GNB5: variants seen among roughly 807,000 people sequenced by gnomAD.
The protein encoded by GNB5 is guanine nucleotide-binding protein subunit beta-5.
Under a neutral mutation model 55.3 loss-of-function variants are expected in GNB5, and 37 were observed. The observed-to-expected ratio is 0.67, with a 90% CI of 0.51 to 0.88. The LOEUF is 0.88. Ranked by LOEUF, GNB5 falls within the 40% of genes least tolerant of loss-of-function variation. The pLI is 0.00. For synonymous variants in GNB5, 219 were observed against 198.5 expected, an observed-to-expected ratio of 1.10 and a Z score of -0.87; for missense variants, 476 against 515.3, an observed-to-expected ratio of 0.92 and a Z score of 0.74.
rs967288794 is a variant in GNB5, at chr15:52,146,081, C to G, written c.494+1378G>C. On this transcript the variant is annotated intron_variant, in intron 6 of 12. Transcript: ENST00000261837. ...ACGCCATTCTCCTGCCTCAGCCTCC[C>G]GAGTAGCTGGGACTACAGGCACCCG... Among the ~76,000 whole-genome samples, 3 of 151,596 alleles carry G rather than the reference C, an allele frequency of 2.0e-5. No homozygotes were observed. In the East Asian group the frequency reaches 5.9e-4, roughly 30 times the overall value.
Position 52,128,721 on chromosome 15 carries a change from A to T in GNB5, c.864-477T>A, listed in dbSNP as rs56260508. The stretch of plus-strand genomic sequence containing the variant: ...CTGAAAAGTGAGAGTAATAATGCAT[A>T]TTTTCTGCTGTGAAGATTACATAAG... On this transcript the variant is annotated intron_variant, in intron 9 of 12. Transcript: ENST00000261837. 6.5e-3 allele frequency: 2,978 copies of T among 458,920 alleles called. 27 individuals carry two copies. The highest frequency in any genetic ancestry group is 7.9e-3 in the South Asian group (509 of 64,572). 28.4% of individuals were successfully genotyped at this position (458,920 alleles called of 1,614,324 possible). A position where few individuals can be genotyped will look rare whatever the true frequency, so the allele number is the denominator to read the frequency against.
intron 2 of GNB5, chr15:52,180,231 G>C (rs1341548234): frequency 6.1e-6 from 1 of 165,236 alleles, no homozygotes; most frequent in Non-Finnish European, 1.3e-5. Context: ...TTCCAACTCG[G>C]GACTCCCCGC....
chr15:52,162,468 C>T (rs966080749), intron 3 of GNB5, among the ~76,000 whole-genome samples: 1 of 152,070 alleles, frequency 6.6e-6, no homozygotes, highest in South Asian at 2.1e-4. Context: ...AAACAAGGAA[C>T]CAAAGCATGA....
rs554933415 is a variant in GNB5 at position 52,119,888 on chromosome 15, G to A, written c.*2869C>T. The stretch of plus-strand genomic sequence containing the variant: ...ACAAAGGCCCTTACAACCCTGTGCT[G>A]TTTTAAGCCACTTATAACCTAGAGA... On this transcript the variant is annotated 3_prime_UTR_variant, in exon 13 of 13. Coordinates refer to ENST00000261837, the MANE Select transcript of GNB5 (RefSeq NM_016194.4). 15 of 152,290 alleles carry A rather than the reference G, an allele frequency of 9.8e-5. No individual in the cohort carries two copies. The East Asian group carries it at 2.7e-3, about 27-fold the overall frequency. 9.4% of individuals were successfully genotyped at this position (152,290 alleles called of 1,614,324 possible). A position where few individuals can be genotyped will look rare whatever the true frequency, so the allele number is the denominator to read the frequency against.
chr15:52,142,487 C>A (rs1472405041), intron 6 of GNB5, among the ~76,000 whole-genome samples: 1 of 151,796 alleles, frequency 6.6e-6, no homozygotes, highest in African/African-American at 2.4e-5. Flanking sequence ...TTAATTGTAT[C>A]ATGATCCATT....
chr15:52,132,594 C>T (rs1019455342), intron 9 of GNB5, among the ~76,000 whole-genome samples: 2 of 149,244 alleles, frequency 1.3e-5, no homozygotes, highest in Non-Finnish European at 3.0e-5. Context: ...TTCAATCGAT[C>T]CTCCCACTTC....
chr15:52,132,157 AG>A (rs1253460249), intron 9 of GNB5, among the ~76,000 whole-genome samples: 1 of 107,288 alleles, frequency 9.3e-6, no homozygotes, highest in Non-Finnish European at 1.6e-5. Context: ...CTGTGGAACT[AG>A]GGCTCAAGTA....
chr15:52,153,640 GA>G (rs1224215572), intron 4 of GNB5, among the ~76,000 whole-genome samples: 2 of 151,672 alleles, frequency 1.3e-5, no homozygotes, highest in South Asian at 2.1e-4. Flanking sequence ...CCTCAATTTG[GA>G]AAAAAAAGAA....
At chr15:52,140,405 G>A (rs2033825319) in intron 7 of GNB5, among the ~76,000 whole-genome samples, 1 of 152,216 alleles carries the variant, frequency 6.6e-6, no homozygotes, top group Non-Finnish European at 1.5e-5. Context: ...GCCGCCTGGA[G>A]TGGCAGCGGT....
intron 6 of GNB5, among the ~76,000 whole-genome samples, chr15:52,146,643 T>C (rs1238367314): frequency 6.6e-6 from 1 of 152,084 alleles, no homozygotes; most frequent in Non-Finnish European, 1.5e-5. Flanking sequence ...CAGCTTACTG[T>C]AGCCTTAATC....
chr15:52,137,208 T>G, intron 7 of GNB5: 1 of 1,157,152 alleles, frequency 8.6e-7, no homozygotes, highest in South Asian at 1.7e-5. Context: ...TTTGCTTGGT[T>G]GCAAGTATTT....
chr15:52,149,468 C>A, intron 5 of GNB5: 1 of 421,072 alleles, frequency 2.4e-6, no homozygotes. Flanking sequence ...CCCACTGCAG[C>A]CTCATCTTCC....
intron 8 of GNB5, among the ~76,000 whole-genome samples, chr15:52,135,359 G>C (rs1385729386): frequency 6.6e-6 from 1 of 152,150 alleles, no homozygotes; most frequent in Non-Finnish European, 1.5e-5. Flanking sequence ...TTACTCTATA[G>C]ACTGCTAACA....
chr15:52,171,658 G>A (rs545888234), intron 3 of GNB5, among the ~76,000 whole-genome samples: 21 of 152,274 alleles, frequency 1.4e-4, no homozygotes, highest in African/African-American at 4.3e-4. Flanking sequence ...TTCTGTAAGC[G>A]TCGGTACACA....
chr15:52,155,203 A>C (rs2034181197), intron 3 of GNB5, among the ~76,000 whole-genome samples: 1 of 152,218 alleles, frequency 6.6e-6, no homozygotes, highest in Admixed American at 6.5e-5. Flanking sequence ...AGGAGGGAAG[A>C]GGGCATTTTC....
In GNB5 at chr15:52,126,262, A is replaced by G. The variant is rs530548050; in HGVS notation, c.913-218T>C. ...TGATTCCTATTAATCTCTATGAGTC[A>G]GTAAAGAAACGGCAAATACAGCAAA... On this transcript the variant is annotated intron_variant, in intron 10 of 12. Coordinates refer to ENST00000261837, the MANE Select transcript of GNB5 (RefSeq NM_016194.4). The G allele has an allele frequency of 4.0e-5, 16 of 396,752 alleles. 1 individual carries two copies. Among genetic ancestry groups the G allele is most frequent in the Admixed American group, 2.5e-4 (6 of 24,188 alleles). The allele number at this position is 396,752 out of a possible 1,614,324, so 24.6% of individuals were successfully genotyped here.
Position 52,175,074 on chromosome 15 carries a change from AAAAC to A in GNB5, c.238+4690_238+4693del, listed in dbSNP as rs201137198. Among the ~76,000 whole-genome samples the A allele has an allele frequency of 1.6e-3, 247 of 152,238 alleles. 7 individuals carry two copies. In the East Asian group the frequency reaches 0.03, roughly 19 times the overall value. Reference sequence around the variant, plus strand: ...GGTAACAGAGCAAGACTCTGTCTCAAAAACAAACAAACAAACAAACACACATACC... The same window carrying A: ...GGTAACAGAGCAAGACTCTGTCTCAAAAACAAACAAACAAACACACATACC... On this transcript the variant is annotated intron_variant, in intron 3 of 12. Coordinates refer to ENST00000261837, the MANE Select transcript of GNB5 (RefSeq NM_016194.4).
At chr15:52,190,778 TAAAAAAAAAAAAAAAAAAAAAA>T (rs58614125) in intron 1 of GNB5, among the ~76,000 whole-genome samples, 1,137 of 96,914 alleles carry the variant, frequency 0.012, 43 homozygotes, top group Admixed American at 0.074. Context: ...CTTATTTCCT[TAAAAAAAAAAAAAAAAAAAAAA>T]AAAAAAAAAA....
chr15:52,167,435 T>C (rs1344302702), intron 3 of GNB5, among the ~76,000 whole-genome samples: 1 of 152,118 alleles, frequency 6.6e-6, no homozygotes, highest in East Asian at 1.9e-4. Flanking sequence ...TTTGGGAGGC[T>C]GAGGCGGGTG....
Sources: gnomAD v4.1 joint callset for allele counts (sites outside exome capture counted in the v4.1 genomes callset) on GRCh38, gnomAD v4.1.1 for gene constraint, MANE v1.5 for transcripts, NCBI Gene and HGNC (gene_info 2026-07-23, HGNC 2026-07-21) for gene names.